Variants in ERN2 observed in about 807,000 individuals in gnomAD.
ERN2 encodes the protein endoplasmic reticulum to nucleus signaling 2.
A neutral mutation model predicts 107.9 loss-of-function variants in ERN2; 111 were observed. The observed-to-expected ratio is 1.03, with a 90% confidence interval of 0.88 to 1.20. The LOEUF (loss-of-function observed/expected upper bound fraction) is 1.20. Ranked by LOEUF, ERN2 falls within the 50% of genes most tolerant of loss-of-function variation. The probability of loss-of-function intolerance (pLI) is 0.00; values close to 1 mark genes in which losing one functional copy is unlikely to be tolerated. For synonymous variants in ERN2, 524 were observed against 501.7 expected, an observed-to-expected ratio of 1.04 and a Z score of -0.59; for missense variants, 1,225 against 1,197.9, an observed-to-expected ratio of 1.02 and a Z score of -0.33.
intron 13 of ERN2, chr16:23,697,170 C>CAATAATT (rs998528891): frequency 7.7e-6 from 1 of 129,490 alleles, no homozygotes; most frequent in African/African-American, 3.0e-5. Flanking sequence ...GACCCTATCT[C>CAATAATT]AATAATTAAT....
At chr16:23,695,158 G>T in intron 15 of ERN2, 40 bp from the exon 16 acceptor site, 1 of 1,613,402 alleles carries the variant, frequency 6.2e-7, no homozygotes. Flanking sequence ...TCTCCAGCCC[G>T]GACCTTCCCA....
At chr16:23,709,902 T>C (rs1340996955) in intron 4 of ERN2, 1 of 379,204 alleles carries the variant, frequency 2.6e-6, no homozygotes, top group Admixed American at 4.3e-5. Flanking sequence ...CTAACTGGTA[T>C]ATACATTTCT....
chr16:23,694,300 G>A (rs1959713797), intron 17 of ERN2, among the ~76,000 whole-genome samples: 1 of 152,118 alleles, frequency 6.6e-6, no homozygotes, highest in African/African-American at 2.4e-5. Flanking sequence ...CCCGGCAATG[G>A]GCATTCTTTT....
In ERN2 at chr16:23,704,924, C is replaced by T. The variant is rs1443906388; in HGVS notation, c.813G>A (p.Arg271=). The change falls in exon 8 of 22, where the codon CGG becomes CGA. Residue 271 remains arginine (R), a synonymous_variant. Coordinates refer to ENST00000256797, the MANE Select transcript of ERN2 (RefSeq NM_033266.4). ...GHIRLPASGP[R]DTATLFSTLD... is the part of the protein sequence containing the mutation. ...AGGTAGAGAAGAGGGTGGCTGTGTC[C>T]CGGGGGCCTGAGGCAGGCAGTCGGA... is the stretch of plus-strand genomic sequence containing the variant. 1 of 1,613,252 alleles carries T rather than the reference C, an allele frequency of 6.2e-7. No individual in the cohort carries two copies. Among genetic ancestry groups the T allele is most frequent in the East Asian group, 2.2e-5 (1 of 44,860 alleles).
chr16:23,700,481 A>T (rs1427248421), intron 13 of ERN2, 58 bp downstream of exon 13: 6 of 1,527,962 alleles, frequency 3.9e-6, no homozygotes, highest in Non-Finnish European at 3.5e-6. Flanking sequence ...TTTGCAGCTA[A>T]ATCTGCCCCT....
At chr16:23,710,284 G>GC in intron 3 of ERN2, 40 bp from the exon 4 acceptor site, 1 of 1,537,842 alleles carries the variant, frequency 6.5e-7, no homozygotes, top group South Asian at 1.1e-5. Flanking sequence ...ATGGGTTCTT[G>GC]CCCCCTGGTT....
intron 4 of ERN2, among the ~76,000 whole-genome samples, chr16:23,708,347 C>CTTTTTTTT (rs747761449): frequency 1.8e-5 from 1 of 54,716 alleles, no homozygotes; most frequent in African/African-American, 8.0e-5. Flanking sequence ...TGGTGCTATT[C>CTTTTTTTT]TTTTTTTTTT....
chr16:23,710,592 C>T (rs1960501877), intron 2 of ERN2, 43 bp from the exon 3 acceptor site: 7 of 1,609,692 alleles, frequency 4.3e-6, no homozygotes, highest in Non-Finnish European at 6.0e-6. Context: ...TTCCTCCAGA[C>T]CCCACTGAAA....
intron 1 of ERN2, chr16:23,712,113 G>T: frequency 2.3e-6 from 1 of 430,822 alleles, no homozygotes; most frequent in Non-Finnish European, 4.8e-6. Context: ...GGACCCTCAG[G>T]TTTGGGGCTG....
Position 23,700,976 on chromosome 16 carries a change from G to C in ERN2, c.1342C>G (p.Leu448Val). The C allele has an allele frequency of 6.2e-7, 1 of 1,614,082 alleles. No homozygotes were observed. The highest frequency in any genetic ancestry group is 1.1e-5 in the South Asian group (1 of 91,076). ...LTAVLLGGWI[L>V]FVMRQQQPQV... ...GGGCCTACCTGCCTCATCACAAAGA[G>C]AATCCACCCTCCCAGGAGGACAGCA... The change falls in exon 12 of 22, where the codon CTC (leucine) becomes GTC (valine). Residue 448 changes from leucine to valine, a missense_variant. Transcript: ENST00000256797.
chr16:23,711,945 G>A (rs1299368950), intron 1 of ERN2: 3 of 328,498 alleles, frequency 9.1e-6, no homozygotes, highest in Admixed American at 3.2e-5. Context: ...GCCCTTGGGA[G>A]GGGGGCTGGA....
chr16:23,693,258 C>T (rs1287926646), intron 17 of ERN2, among the ~76,000 whole-genome samples: 1 of 151,840 alleles, frequency 6.6e-6, no homozygotes, highest in Non-Finnish European at 1.5e-5. Context: ...GGTATGACTG[C>T]ACTCCATGAC....
In ERN2 at chr16:23,691,144, A is replaced by G; in HGVS notation, c.2553T>C (p.Arg851=). ...YKGTSVRDLL[R]AVRNKKHHYR... ...CAACACATACCTTGTTCCTCACAGCACGGAGCAGGTCTCGCACTGATGTCC... is the reference window on the plus strand; with the variant it reads ...CAACACATACCTTGTTCCTCACAGCGCGGAGCAGGTCTCGCACTGATGTCC... The change falls in exon 21 of 22, where the codon CGT becomes CGC. Residue 851 remains arginine (R), a synonymous_variant. Coordinates refer to ENST00000256797, the MANE Select transcript of ERN2 (RefSeq NM_033266.4). 1.2e-6 allele frequency: 2 copies of G among 1,613,810 alleles called. No individual in the cohort carries two copies. The highest frequency in any genetic ancestry group is 1.7e-6 in the Non-Finnish European group (2 of 1,179,932).
At chr16:23,694,693 G>T in intron 17 of ERN2, 35 bp downstream of exon 17, 1 of 1,544,954 alleles carries the variant, frequency 6.5e-7, no homozygotes, top group Non-Finnish European at 8.7e-7. Context: ...GCCTGGGGCA[G>T]CTGTGTGCCT....
At chr16:23,699,125 A>G (rs556668652) in intron 13 of ERN2, among the ~76,000 whole-genome samples, 5 of 152,264 alleles carry the variant, frequency 3.3e-5, no homozygotes, top group South Asian at 2.1e-4. Flanking sequence ...GACAAAAACT[A>G]CAACAGCTCA....
intron 2 of ERN2, 60 bp from the exon 3 acceptor site, chr16:23,710,609 G>C: frequency 6.3e-7 from 1 of 1,575,228 alleles, no homozygotes; most frequent in Non-Finnish European, 8.7e-7. Flanking sequence ...GAAAAGCACA[G>C]CTCATATTCA....
chr16:23,691,632 C>T (rs1959601683), intron 19 of ERN2, among the ~76,000 whole-genome samples: 1 of 152,242 alleles, frequency 6.6e-6, no homozygotes, highest in African/African-American at 2.4e-5. Context: ...GAGCAAACTG[C>T]AGTTCAGAGG....
At chr16:23,702,074 C>T (rs8058610) in intron 11 of ERN2, 78 bp downstream of exon 11, 874,282 of 1,460,050 alleles carry the variant, frequency 0.6, 266,639 homozygotes, top group East Asian at 0.72. Context: ...CTTAGCAGCC[C>T]GAGGAAAAGA....
intron 8 of ERN2, among the ~76,000 whole-genome samples, chr16:23,704,440 T>G (rs1031727852): frequency 6.6e-6 from 1 of 152,170 alleles, no homozygotes; most frequent in South Asian, 2.1e-4. Context: ...AGGGGGAGTT[T>G]CCCTGCACAA....
Sources: gnomAD v4.1 joint callset for allele counts (sites outside exome capture counted in the v4.1 genomes callset) on GRCh38, gnomAD v4.1.1 for gene constraint, MANE v1.5 for transcripts, NCBI Gene and HGNC (gene_info 2026-07-23, HGNC 2026-07-21) for gene names.